The following CLTCL1 variants were observed in gnomAD, a reference collection of about 807,000 sequenced individuals.
The protein encoded by CLTCL1 is clathrin heavy chain like 1.
CLTCL1 carries 159 observed loss-of-function variants against 190.0 expected under a neutral mutation model. The observed-to-expected ratio is 0.84, with a 90% confidence interval of 0.74 to 0.95. The LOEUF (loss-of-function observed/expected upper bound fraction) is 0.95. Among genes scored for constraint, CLTCL1 ranks in the 40% least tolerant of loss-of-function variants. The pLI is 0.00. For synonymous variants in CLTCL1, 752 were observed against 769.6 expected (o/e 0.98, Z 0.38); for missense variants, 1,878 against 2,033.4 (o/e 0.92, Z 1.47).
At chr22:19,273,406 T>C (rs2087388228) in intron 2 of CLTCL1, among the ~76,000 whole-genome samples, 1 of 152,126 alleles carries the variant, frequency 6.6e-6, no homozygotes, top group African/African-American at 2.4e-5. Context: ...AAGTGATCTA[T>C]ATGACCATTA....
chr22:19,269,086 C>CA (rs1276597870), intron 2 of CLTCL1, among the ~76,000 whole-genome samples: 732 of 62,640 alleles, frequency 0.012, 3 homozygotes, highest in African/African-American at 0.015. Context: ...CAAGACTCCT[C>CA]AAAAAAAAAA....
rs782256093 is a variant in CLTCL1 at position 19,233,527 on chromosome 22, C to T, written c.1263G>A (p.Leu421=). Residue 421 remains leucine (L), a synonymous_variant, in exon 8 of 33, where the codon CTG becomes CTA. Transcript: ENST00000427926. ...GTTTATTGAGCTGACCCTGGTCGAG[C>T]AGGATTCCGAAGTACTGCAGCAATG... The part of the protein sequence containing the change: ...ASPLLQYFGI[L]LDQGQLNKLE... The T allele has an allele frequency of 6.2e-7, 1 of 1,613,974 alleles. No individual in the cohort carries two copies. The highest frequency in any genetic ancestry group is 1.1e-5 in the South Asian group (1 of 91,078).
chr22:19,290,735 A>C (rs2088081185), intron 1 of CLTCL1, among the ~76,000 whole-genome samples: 1 of 152,206 alleles, frequency 6.6e-6, no homozygotes, highest in Admixed American at 6.5e-5. Flanking sequence ...TCGATGTACT[A>C]CTTTGTGGTC....
intron 3 of CLTCL1, among the ~76,000 whole-genome samples, chr22:19,244,683 G>C (rs1555967202): frequency 6.6e-6 from 1 of 152,210 alleles, no homozygotes; most frequent in Admixed American, 6.5e-5. Context: ...GAAGGTGAGA[G>C]ACCAGACCTT....
At chr22:19,290,771 T>C (rs113434983) in intron 1 of CLTCL1, among the ~76,000 whole-genome samples, 4,329 of 152,332 alleles carry the variant, frequency 0.028, 231 homozygotes, top group African/African-American at 0.099. Flanking sequence ...TGAATCCTGT[T>C]CTTATTGAAT....
intron 20 of CLTCL1, among the ~76,000 whole-genome samples, chr22:19,209,846 G>C (rs533590173): frequency 6.6e-6 from 1 of 152,298 alleles, no homozygotes; most frequent in East Asian, 1.9e-4. Flanking sequence ...AGTTCTTGAG[G>C]AGGCAGAGGG....
intron 17 of CLTCL1, among the ~76,000 whole-genome samples, chr22:19,221,049 G>T (rs2145759378): frequency 6.6e-6 from 1 of 152,296 alleles, no homozygotes; most frequent in Admixed American, 6.5e-5. Flanking sequence ...GGCTGATCAA[G>T]TTCGGGAGTT....
chr22:19,263,671 G>A (rs1347469355), intron 2 of CLTCL1, among the ~76,000 whole-genome samples: 3 of 152,004 alleles, frequency 2.0e-5, no homozygotes, highest in African/African-American at 2.4e-5. Flanking sequence ...CTCCTGCCTC[G>A]GCCTCCCAAA....
intron 20 of CLTCL1, 150 bp downstream of exon 20, chr22:19,210,175 TG>T: frequency 1.5e-6 from 1 of 653,130 alleles, no homozygotes; most frequent in Non-Finnish European, 2.5e-6. Flanking sequence ...GCTGGGAAGA[TG>T]GGTTGCTGGT....
At chr22:19,226,153 G>A in intron 12 of CLTCL1, 66 bp downstream of exon 12, 2 of 1,535,236 alleles carry the variant, frequency 1.3e-6, no homozygotes, top group Non-Finnish European at 1.8e-6. Context: ...GGTGAACACT[G>A]GGGAGCATGT....
chr22:19,207,586 T>G (rs915487936), intron 22 of CLTCL1: 2 of 406,840 alleles, frequency 4.9e-6, no homozygotes, highest in South Asian at 2.4e-4. Context: ...CCAACCCCCA[T>G]GCCACGGACC....
At chr22:19,218,621 A>T (rs2085466610) in intron 18 of CLTCL1, among the ~76,000 whole-genome samples, 1 of 152,134 alleles carries the variant, frequency 6.6e-6, no homozygotes, top group South Asian at 2.1e-4. Context: ...TCAGGGCTGA[A>T]GCCACTTGTT....
chr22:19,289,574 G>A (rs1457304614), intron 1 of CLTCL1, among the ~76,000 whole-genome samples: 1 of 152,080 alleles, frequency 6.6e-6, no homozygotes, highest in Non-Finnish European at 1.5e-5. Context: ...AGCTTCGTGG[G>A]GACAAGAGCG....
intron 14 of CLTCL1, among the ~76,000 whole-genome samples, chr22:19,223,026 T>C (rs1431853724): frequency 1.3e-5 from 2 of 152,248 alleles, no homozygotes; most frequent in African/African-American, 4.8e-5. Flanking sequence ...TAAAGACTGC[T>C]ACATTTGGCA....
chr22:19,190,827 G>A (rs1569149563), intron 27 of CLTCL1, among the ~76,000 whole-genome samples: 1 of 151,280 alleles, frequency 6.6e-6, no homozygotes, highest in Non-Finnish European at 1.5e-5. Flanking sequence ...ACCCAGGCTG[G>A]AGTGCAGTGG....
intron 30 of CLTCL1, 171 bp from the exon 31 acceptor site, chr22:19,180,977 T>C (rs1287724668): frequency 1.6e-6 from 1 of 624,362 alleles, no homozygotes; most frequent in Non-Finnish European, 2.9e-6. Flanking sequence ...ACTTTTAGAA[T>C]GCAGCAAGGC....
At chr22:19,274,078 G>T (rs2087415893) in intron 2 of CLTCL1, among the ~76,000 whole-genome samples, 1 of 152,158 alleles carries the variant, frequency 6.6e-6, no homozygotes. Flanking sequence ...AAACCAGGAA[G>T]ATTAAAATGC....
At chr22:19,223,836 C>A (rs1398441291) in intron 14 of CLTCL1, 55 bp downstream of exon 14, 1 of 1,604,588 alleles carries the variant, frequency 6.2e-7, no homozygotes, top group South Asian at 1.1e-5. Context: ...GGATGGTCTG[C>A]CCCACCTGCC....
In CLTCL1 at chr22:19,188,107, A is replaced by G. The variant is rs1555929405; in HGVS notation, c.4324-16T>C. The G allele has an allele frequency of 6.2e-7, 1 of 1,612,866 alleles. No individual in the cohort carries two copies. The highest frequency in any genetic ancestry group is 1.3e-5 in the African/African-American group (1 of 74,938). On this transcript the variant is annotated splice_polypyrimidine_tract_variant and intron_variant, in intron 27 of 32. Coordinates refer to ENST00000427926, the MANE Select transcript of CLTCL1 (RefSeq NM_007098.4). ...GCTGACCTGCCTGACAAGTTGAGGGAACCGTCAAGGCACTTGGCCAAGCTT... is the reference window on the plus strand; with the variant it reads ...GCTGACCTGCCTGACAAGTTGAGGGGACCGTCAAGGCACTTGGCCAAGCTT...
Sources: gnomAD v4.1 joint callset for allele counts (sites outside exome capture counted in the v4.1 genomes callset) on GRCh38, gnomAD v4.1.1 for gene constraint, MANE v1.5 for transcripts, NCBI Gene and HGNC (gene_info 2026-07-23, HGNC 2026-07-21) for gene names.